CHRM3: variants seen among roughly 807,000 people sequenced by gnomAD.
CHRM3 encodes cholinergic receptor muscarinic 3.
In CHRM3, 11 loss-of-function variants were observed where a neutral mutation model predicts 41.8. The ratio of observed to expected loss-of-function variants is 0.26; its 90% CI spans 0.17 to 0.44. CHRM3 has a LOEUF of 0.44. Among genes scored for constraint, CHRM3 ranks in the 20% least tolerant of loss-of-function variants. CHRM3 has a pLI of 1.00. For synonymous variants in CHRM3, 297 were observed against 301.4 expected (o/e 0.99, Z 0.15); for missense variants, 571 against 745.4 (o/e 0.77, Z 2.72).
chr1:239,639,335 A>T (rs1016770632), intron 4 of CHRM3, among the ~76,000 whole-genome samples: 14 of 152,176 alleles, frequency 9.2e-5, no homozygotes, highest in African/African-American at 3.1e-4. Context: ...ATGGCATTGA[A>T]TCTATAAATT....
intron 5 of CHRM3, among the ~76,000 whole-genome samples, chr1:239,809,935 G>A (rs536172423): frequency 6.6e-6 from 1 of 152,224 alleles, no homozygotes; most frequent in African/African-American, 2.4e-5. Context: ...TAAAGATGAA[G>A]GTAGCAGGTA....
intron 1 of CHRM3, among the ~76,000 whole-genome samples, chr1:239,420,683 A>G (rs1413017984): frequency 6.6e-6 from 1 of 152,154 alleles, no homozygotes; most frequent in African/African-American, 2.4e-5. Flanking sequence ...ATAGGTATTG[A>G]TTTCAGTATA....
intron 3 of CHRM3, among the ~76,000 whole-genome samples, chr1:239,609,809 C>A (rs12072543): frequency 0.12 from 17,735 of 152,082 alleles, 1,800 homozygotes; most frequent in African/African-American, 0.28. Flanking sequence ...CTGTTGAAAT[C>A]TTTTGTCCAT....
At chr1:239,634,129 C>T (rs1169755907) in intron 4 of CHRM3, among the ~76,000 whole-genome samples, 1 of 152,174 alleles carries the variant, frequency 6.6e-6, no homozygotes, top group African/African-American at 2.4e-5. Context: ...GATCCCTGTA[C>T]ACAGCTGCCT....
intron 3 of CHRM3, among the ~76,000 whole-genome samples, chr1:239,602,282 C>A (rs1004886577): frequency 1.7e-4 from 26 of 151,732 alleles, no homozygotes; most frequent in Admixed American, 3.3e-4. Flanking sequence ...TTCATTCTAG[C>A]AAGAAACATG....
At chr1:239,864,546 GCA>G (rs775904989) in intron 6 of CHRM3, among the ~76,000 whole-genome samples, 1,546 of 85,822 alleles carry the variant, frequency 0.018, 23 homozygotes, top group African/African-American at 0.067. Context: ...ACACACACAC[GCA>G]CACACACACA....
intron 3 of CHRM3, among the ~76,000 whole-genome samples, chr1:239,630,013 A>G (rs920497445): frequency 1.3e-5 from 2 of 152,220 alleles, no homozygotes; most frequent in Non-Finnish European, 2.9e-5. Flanking sequence ...TTTCAATAGA[A>G]TGAATCTGCA....
intron 6 of CHRM3, among the ~76,000 whole-genome samples, chr1:239,883,080 C>T (rs990582295): frequency 2.0e-5 from 3 of 152,160 alleles, no homozygotes; most frequent in Non-Finnish European, 4.4e-5. Flanking sequence ...TGCCTATTTC[C>T]ACCCCCTCTT....
intron 1 of CHRM3, among the ~76,000 whole-genome samples, chr1:239,465,612 C>A (rs1030456908): frequency 5.9e-5 from 9 of 152,072 alleles, no homozygotes; most frequent in African/African-American, 2.2e-4. Flanking sequence ...TCTTCCATGG[C>A]CAAACTAGGA....
At chr1:239,560,646 T>C (rs576431983) in intron 3 of CHRM3, among the ~76,000 whole-genome samples, 112 of 152,272 alleles carry the variant, frequency 7.4e-4, no homozygotes, top group Non-Finnish European at 1.3e-3. Context: ...TCATTCATTC[T>C]GTATTGCAAC....
intron 6 of CHRM3, among the ~76,000 whole-genome samples, chr1:239,841,961 C>G (rs1673832368): frequency 6.6e-6 from 1 of 152,104 alleles, no homozygotes. Flanking sequence ...AGGTTCTAGG[C>G]TGGTGTAGGG....
chr1:239,680,574 A>G (rs767905964), intron 5 of CHRM3, among the ~76,000 whole-genome samples: 53 of 152,296 alleles, frequency 3.5e-4, no homozygotes, highest in South Asian at 6.2e-4. Context: ...TGGTAGTGAC[A>G]CTACGATAAG....
chr1:239,700,711 G>C (rs1004552157), intron 5 of CHRM3, among the ~76,000 whole-genome samples: 3 of 152,120 alleles, frequency 2.0e-5, no homozygotes, highest in African/African-American at 7.2e-5. Context: ...GAGTGTTTGG[G>C]AGGAAAATTA....
chr1:239,803,898 C>A (rs185275173), intron 5 of CHRM3, among the ~76,000 whole-genome samples: 1 of 152,304 alleles, frequency 6.6e-6, no homozygotes, highest in African/African-American at 2.4e-5. Flanking sequence ...CGTGATAGCA[C>A]GTTTGTCTGA....
chr1:239,691,932 T>G (rs1192648937), intron 5 of CHRM3, among the ~76,000 whole-genome samples: 3 of 152,172 alleles, frequency 2.0e-5, no homozygotes, highest in Non-Finnish European at 4.4e-5. Flanking sequence ...CTTATTTTAG[T>G]GTTTTGATAA....
intron 3 of CHRM3, among the ~76,000 whole-genome samples, chr1:239,616,356 C>A (rs1667633101): frequency 6.6e-6 from 1 of 152,166 alleles, no homozygotes; most frequent in South Asian, 2.1e-4. Flanking sequence ...TTTTACCATG[C>A]AACTGTTCTT....
At chr1:239,804,700 G>A (rs1218762839) in intron 5 of CHRM3, among the ~76,000 whole-genome samples, 4 of 152,144 alleles carry the variant, frequency 2.6e-5, no homozygotes, top group Non-Finnish European at 1.5e-5. Context: ...CCTGCAACTC[G>A]GTTCGAGCTA....
At chr1:239,480,612 A>G (rs1457415210) in intron 1 of CHRM3, among the ~76,000 whole-genome samples, 1 of 132,480 alleles carries the variant, frequency 7.5e-6, no homozygotes, top group Non-Finnish European at 1.5e-5. Flanking sequence ...GCTGGAGTGC[A>G]GTGGCACGAT....
At chr1:239,401,956 C>T (rs149297906) in intron 1 of CHRM3, among the ~76,000 whole-genome samples, 1 of 152,290 alleles carries the variant, frequency 6.6e-6, no homozygotes, top group East Asian at 1.9e-4. Flanking sequence ...TGCTAAGTCA[C>T]TGCCTGGAGA....
Sources: allele counts gnomAD v4.1 joint callset (sites outside exome capture counted in the v4.1 genomes callset), GRCh38; gene constraint gnomAD v4.1.1; transcripts MANE v1.5; gene names NCBI Gene and HGNC (gene_info 2026-07-23, HGNC 2026-07-21).